ADCY9: variants seen among roughly 807,000 people sequenced by gnomAD.
ADCY9 encodes adenylate cyclase 9.
ADCY9 carries 50 observed loss-of-function variants against 101.5 expected under a neutral mutation model. The ratio of observed to expected loss-of-function variants is 0.49; its 90% CI spans 0.39 to 0.62. ADCY9 has a LOEUF of 0.62. Ranked by LOEUF, ADCY9 falls within the 20% of genes least tolerant of loss-of-function variation. The probability of loss-of-function intolerance (pLI) is 0.00; values close to 1 mark genes in which losing one functional copy is unlikely to be tolerated. For synonymous variants in ADCY9, 905 were observed against 769.3 expected (o/e 1.18, Z -2.92); for missense variants, 1,662 against 1,800.4 (o/e 0.92, Z 1.39).
intron 2 of ADCY9, among the ~76,000 whole-genome samples, chr16:4,108,825 C>A (rs2057095925): frequency 6.6e-6 from 1 of 151,560 alleles, no homozygotes. Flanking sequence ...CCTGCCTCAG[C>A]ATCCCGAGTA....
intron 2 of ADCY9, among the ~76,000 whole-genome samples, chr16:4,086,556 A>G (rs2056940079): frequency 6.6e-6 from 1 of 152,160 alleles, no homozygotes; most frequent in Admixed American, 6.5e-5. Context: ...ATCATGAAAC[A>G]TAATCTACTT....
rs1243394302 is a variant in ADCY9, at chr16:3,965,473, T to C, written c.*302A>G. On this transcript the variant is annotated 3_prime_UTR_variant, in exon 11 of 11. Transcript: ENST00000294016. ...TCAAATAATACCCAAAGCCATGATC[T>C]CCACTGGCGGCCTCTGTCCCGAGAC... is the stretch of plus-strand genomic sequence containing the variant. 32 of 413,936 alleles carry C rather than the reference T, an allele frequency of 7.7e-5. No individual in the cohort carries two copies. Among genetic ancestry groups the C allele is most frequent in the Non-Finnish European group, 1.1e-4 (26 of 232,620 alleles). 25.6% of individuals were successfully genotyped at this position (413,936 alleles called of 1,614,324 possible). A position where few individuals can be genotyped will look rare whatever the true frequency, so the allele number is the denominator to read the frequency against.
chr16:4,049,188 G>C (rs2056684980), intron 2 of ADCY9, among the ~76,000 whole-genome samples: 2 of 152,198 alleles, frequency 1.3e-5, no homozygotes, highest in African/African-American at 2.4e-5. Context: ...TGGTCCCTGA[G>C]TCTGCTCCAA....
In ADCY9 at chr16:4,109,993, A is replaced by G. The variant is rs539205067; in HGVS notation, c.1693+3757T>C. ...CCACAGAGAAGCACAGGGCCCAGCC[A>G]TACCCACCTCTCCGCTCTGCCCTGG... On this transcript the variant is annotated intron_variant, in intron 2 of 10. Coordinates refer to ENST00000294016, the MANE Select transcript of ADCY9 (RefSeq NM_001116.4). 4.0e-4 allele frequency among the ~76,000 whole-genome samples: 61 copies of G among 151,912 alleles called. 2 individuals carry two copies. The South Asian group carries it at 0.012, about 31-fold the overall frequency.
chr16:3,981,394 G>C (rs1488652741), intron 7 of ADCY9, among the ~76,000 whole-genome samples: 1 of 152,176 alleles, frequency 6.6e-6, no homozygotes, highest in Non-Finnish European at 1.5e-5. Flanking sequence ...CACATTAGAG[G>C]AAAACCTGGG....
intron 2 of ADCY9, among the ~76,000 whole-genome samples, chr16:4,051,480 C>A (rs540114232): frequency 2.7e-5 from 4 of 149,580 alleles, no homozygotes; most frequent in African/African-American, 9.9e-5. Flanking sequence ...GCAGAGATCA[C>A]GCCACTGAAC....
chr16:3,984,499 C>T (rs1441270213), intron 6 of ADCY9, among the ~76,000 whole-genome samples: 2 of 152,294 alleles, frequency 1.3e-5, no homozygotes. Flanking sequence ...TCCATTGACG[C>T]TCACGGCACC....
chr16:4,028,092 TG>T (rs1470008530), intron 2 of ADCY9, among the ~76,000 whole-genome samples: 3 of 152,016 alleles, frequency 2.0e-5, no homozygotes, highest in African/African-American at 7.2e-5. Flanking sequence ...GAAAGATTTT[TG>T]GGGGGTGATT....
intron 2 of ADCY9, among the ~76,000 whole-genome samples, chr16:4,071,562 C>T (rs1373742615): frequency 6.6e-6 from 1 of 152,004 alleles, no homozygotes; most frequent in African/African-American, 2.4e-5. Flanking sequence ...ATTGGTCTTA[C>T]TATTATATAT....
At chr16:4,045,628 T>C (rs1417377305) in intron 2 of ADCY9, among the ~76,000 whole-genome samples, 2 of 99,880 alleles carry the variant, frequency 2.0e-5, no homozygotes, top group Non-Finnish European at 2.1e-5. Context: ...AAGAGCCAAA[T>C]AATTTTGCCT....
rs1027363416 is a variant in ADCY9 at position 3,956,734 on chromosome 16, A to T, written c.568-3218T>A. 2.7e-5 allele frequency among the ~76,000 whole-genome samples: 4 copies of T among 150,400 alleles called. No individual in the cohort carries two copies. In the Admixed American group the frequency reaches 2.7e-4, roughly 10 times the overall value. ...GGACTCGAACTGCTGACCTCAAGTG[A>T]TCCGCCCGCCTTGGCCTCCCAAAGT... On this transcript the variant is annotated intron_variant, in intron 5 of 5. Coordinates refer to the ADCY9 transcript ENST00000576936.
chr16:3,971,639 C>A (rs982271908), intron 10 of ADCY9, among the ~76,000 whole-genome samples: 4 of 152,114 alleles, frequency 2.6e-5, no homozygotes, highest in African/African-American at 7.2e-5. Flanking sequence ...GTAAATAGAG[C>A]AGGAAGAGAA....
In ADCY9 at chr16:3,989,067, G is replaced by A; in HGVS notation, c.2237C>T (p.Pro746Leu). Residue 746 changes from proline to leucine, a missense_variant, in exon 6 of 11, where the codon CCC (proline) becomes CTC (leucine). By Grantham distance (98) the Pro-to-Leu change is moderately conservative. Transcript: ENST00000294016. The stretch of plus-strand genomic sequence containing the variant: ...GAAGTTCAGGCTGAACTGATTAATG[G>A]GCGGCTTAAAAAAGTAATCTTTCAT... ...SLMKDYFFKP[P>L]INQFSLNFLD... is the part of the protein sequence containing the mutation. 1 of 1,614,014 alleles carries A rather than the reference G, an allele frequency of 6.2e-7. No homozygotes were observed.
chr16:4,047,705 C>G (rs1179540259), intron 2 of ADCY9, among the ~76,000 whole-genome samples: 1 of 152,134 alleles, frequency 6.6e-6, no homozygotes, highest in African/African-American at 2.4e-5. Context: ...AATCCATGAC[C>G]AATCAGGTCC....
In ADCY9 at chr16:3,979,150, G is replaced by T. The variant is rs959451403; in HGVS notation, c.2645C>A (p.Ser882Tyr). Residue 882 changes from serine (S) to tyrosine (Y), a missense_variant, in exon 8 of 11, where the codon TCC becomes TAC. Coordinates refer to ENST00000294016, the MANE Select transcript of ADCY9 (RefSeq NM_001116.4). ...LVSLPALAVY[S>Y]HVTSEYETNI... ...GGTCTCATATTCGGAGGTGACATGGGAGTAGACGGCCAGTGCGGGAAGCGA... is the reference window on the plus strand; with the variant it reads ...GGTCTCATATTCGGAGGTGACATGGTAGTAGACGGCCAGTGCGGGAAGCGA... 1 of 1,614,114 alleles carries T rather than the reference G, an allele frequency of 6.2e-7. No individual in the cohort carries two copies. Among genetic ancestry groups the T allele is most frequent in the African/African-American group, 1.3e-5 (1 of 74,944 alleles).
At position 4,113,799 on chromosome 16, in the gene ADCY9, C is replaced by A. The variant is rs746341091; in HGVS notation, c.1644G>T (p.Gly548=). 2 of 1,614,108 alleles carry A rather than the reference C, an allele frequency of 1.2e-6. No homozygotes were observed. Among genetic ancestry groups the A allele is most frequent in the Admixed American group, 3.3e-5 (2 of 60,004 alleles). The change falls in exon 2 of 11, where the codon GGG becomes GGT. Residue 548 remains glycine (G), a synonymous_variant. Transcript: ENST00000294016. ...TCTGGCCCAGCCGTTCAATAACTTT[C>A]CCATCTTCCATTTCGTACCGGTCAT... ...YLDDRYEMED[G]KVIERLGQSV...
Position 4,007,440 on chromosome 16 carries a change from C to T in ADCY9, c.1812G>A (p.Arg604=), listed in dbSNP as rs747200497. Residue 604 remains arginine, a synonymous_variant, in exon 3 of 11, where the codon AGG becomes AGA. Coordinates refer to ENST00000294016, the MANE Select transcript of ADCY9 (RefSeq NM_001116.4). ...IDGSQVSSGP[R]GQGTASSGNV... ...TCCCTGATGACGCTGTCCCCTGTCC[C>T]CTAGGGCCTGAGGACACCTGTGAGC... 2 of 1,613,926 alleles carry T rather than the reference C, an allele frequency of 1.2e-6. No homozygotes were observed. Among genetic ancestry groups the T allele is most frequent in the Admixed American group, 1.7e-5 (1 of 59,978 alleles).
intron 8 of ADCY9, among the ~76,000 whole-genome samples, chr16:3,978,487 G>C (rs2056112069): frequency 6.6e-6 from 1 of 152,212 alleles, no homozygotes; most frequent in Non-Finnish European, 1.5e-5. Context: ...TTCTCGCATG[G>C]TTAGGAAAGG....
intron 2 of ADCY9, among the ~76,000 whole-genome samples, chr16:4,040,658 T>C (rs1197581354): frequency 6.6e-6 from 1 of 152,148 alleles, no homozygotes; most frequent in Non-Finnish European, 1.5e-5. Context: ...GATTTCACCA[T>C]GTTGGCCAGA....
Sources: gnomAD v4.1 joint callset for allele counts (sites outside exome capture counted in the v4.1 genomes callset) on GRCh38, gnomAD v4.1.1 for gene constraint, MANE v1.5 for transcripts, NCBI Gene and HGNC (gene_info 2026-07-23, HGNC 2026-07-21) for gene names.